The following PTBP3 variants were observed in gnomAD, a reference collection of about 807,000 sequenced individuals.
The protein encoded by PTBP3 is polypyrimidine tract binding protein 3.
A neutral mutation model predicts 58.7 loss-of-function variants in PTBP3; 20 were observed. The observed-to-expected ratio is 0.34, with a 90% confidence interval of 0.24 to 0.50. The LOEUF (loss-of-function observed/expected upper bound fraction) is 0.50, where lower values mean the gene tolerates loss of function less well. Among genes scored for constraint, PTBP3 ranks in the 20% least tolerant of loss-of-function variants. PTBP3 has a pLI of 0.98. For missense variants in PTBP3, 509 were observed against 637.2 expected, an observed-to-expected ratio of 0.80 and a Z score of 2.17; for synonymous variants, 185 against 219.8, an observed-to-expected ratio of 0.84 and a Z score of 1.40.
At chr9:112,345,340 C>CT in the PTBP3 span, among the ~76,000 whole-genome samples, 2 of 47,372 alleles carry the variant, frequency 4.2e-5, no homozygotes, top group Non-Finnish European at 7.0e-5. Context: ...ACCCTCATCT[C>CT]TAAAAAAAAA....
At position 112,232,236 on chromosome 9, in the gene PTBP3, G is replaced by T; in HGVS notation, c.883C>A (p.Leu295Ile). Residue 295 changes from leucine (L) to isoleucine (I), a missense_variant and splice_region_variant, in exon 9 of 14, where the codon CTA (leucine) becomes ATA (isoleucine). Physicochemically the swap from Leu to Ile is conservative, Grantham distance 5. This residue lies in a region of PTBP3 where 121 missense variants were observed against 114.8 expected (regional missense o/e 1.05). Coordinates refer to ENST00000374257, the MANE Select transcript of PTBP3 (RefSeq NM_001163788.4). ...PAIGFPQATGLSVPAVPGALG... is the reference protein window; with the variant it reads ...PAIGFPQATGISVPAVPGALG... ...GCTCCAGGAACAGCTGGAACTGATAGACCTTTTAAAAATACCAAAAGCATT... is the reference window on the plus strand; with the variant it reads ...GCTCCAGGAACAGCTGGAACTGATATACCTTTTAAAAATACCAAAAGCATT... 6.3e-7 allele frequency: 1 copy of T among 1,593,018 alleles called. No homozygotes were observed. Among genetic ancestry groups the T allele is most frequent in the Non-Finnish European group, 8.5e-7 (1 of 1,169,728 alleles).
the PTBP3 span, chr9:112,363,082 G>A: frequency 2.9e-5 from 5 of 174,296 alleles, no homozygotes; most frequent in Non-Finnish European, 3.7e-5. Flanking sequence ...GTCACCAGTC[G>A]CAATGCCAGG....
chr9:112,336,664 A>G (rs1366001839), upstream of PTBP3, among the ~76,000 whole-genome samples: 1 of 151,982 alleles, frequency 6.6e-6, no homozygotes, highest in East Asian at 1.9e-4. Flanking sequence ...TGTCTCTCTT[A>G]CCCTTTGCTT....
intron 1 of PTBP3, among the ~76,000 whole-genome samples, chr9:112,298,954 T>G: frequency 6.6e-6 from 1 of 152,122 alleles, no homozygotes; most frequent in East Asian, 1.9e-4. Flanking sequence ...AAAAGAAAAC[T>G]GAAAATCTCA....
At position 112,231,411 on chromosome 9, in the gene PTBP3, A is replaced by G; in HGVS notation, c.1023T>C (p.Leu341=). 6.3e-7 allele frequency: 1 copy of G among 1,590,798 alleles called. No individual in the cohort carries two copies. ...VLLVTNLNPD[L]ITPHGLFILF... ...GGATAAAAAGCCCATGTGGTGTGAT[A>G]AGCTGTAAAGGGTAACACAAAGTTA... Residue 341 remains leucine (L), a splice_region_variant and synonymous_variant, in exon 10 of 14, where the codon CTT becomes CTC. Transcript: ENST00000374257.
In PTBP3 at chr9:112,281,505, A is replaced by C. The variant is rs549484775; in HGVS notation, c.35-5492T>G. Among the ~76,000 whole-genome samples, 4 of 152,314 alleles carry C rather than the reference A, an allele frequency of 2.6e-5. No homozygotes were observed. The South Asian group carries it at 8.3e-4, about 32-fold the overall frequency. ...ATATCTTGCTAAACATTTTTATGTC[A>C]ATATTCATGAAGGATATTAATCTGT... On this transcript the variant is annotated intron_variant, in intron 2 of 13. Coordinates refer to ENST00000374257, the MANE Select transcript of PTBP3 (RefSeq NM_001163788.4).
In PTBP3 at chr9:112,222,105, A is replaced by G. The variant is rs2131931456; in HGVS notation, c.*1746T>C. 1 of 985,330 alleles carries G rather than the reference A, an allele frequency of 1.0e-6. No individual in the cohort carries two copies. 61.0% of individuals were successfully genotyped at this position (985,330 alleles called of 1,614,324 possible). A position where few individuals can be genotyped will look rare whatever the true frequency, so the allele number is the denominator to read the frequency against. On this transcript the variant is annotated 3_prime_UTR_variant, in exon 14 of 14. Coordinates refer to ENST00000374257, the MANE Select transcript of PTBP3 (RefSeq NM_001163788.4). ...GGCGCACACCACCATGCCCAGCAAG[A>G]TATTCTTTATTCTTTTAAAAGTTGA...
At chr9:112,252,447 C>T (rs531444317) in intron 6 of PTBP3, 12 of 489,896 alleles carry the variant, frequency 2.4e-5, no homozygotes, top group South Asian at 2.2e-4. Context: ...ACAGGACCTG[C>T]GTCTCAGAGA....
the PTBP3 span, among the ~76,000 whole-genome samples, chr9:112,366,630 C>T: frequency 2.6e-5 from 4 of 152,264 alleles, no homozygotes; most frequent in East Asian, 1.9e-4. Context: ...TCCAAAGATG[C>T]GTAGAAATGC....
At chr9:112,302,512 G>A (rs963691828) in intron 1 of PTBP3, among the ~76,000 whole-genome samples, 5 of 150,744 alleles carry the variant, frequency 3.3e-5, no homozygotes, top group Admixed American at 1.3e-4. Flanking sequence ...GCACCTAGAC[G>A]AGGTGTTAAA....
chr9:112,270,014 G>A (rs1827304868), intron 3 of PTBP3, among the ~76,000 whole-genome samples: 2 of 149,674 alleles, frequency 1.3e-5, no homozygotes, highest in Non-Finnish European at 1.5e-5. Flanking sequence ...GCGTCATCTC[G>A]GCTCACTATA....
the PTBP3 span, among the ~76,000 whole-genome samples, chr9:112,356,838 CATTTCA>C: frequency 8.9e-5 from 13 of 145,692 alleles, no homozygotes; most frequent in Non-Finnish European, 3.0e-5. Flanking sequence ...TGGCCCCAAC[CATTTCA>C]TTTCAGAGCA....
Position 112,333,136 on chromosome 9 carries a change from T to C in PTBP3, c.-52+334A>G, listed in dbSNP as rs1309194154. Reference sequence around the variant, plus strand: ...GAGAGGAAGTGTCGGGAGGCCGAGCTGGGCTCCCCGGACTCGGGGCGCGGA... The same window carrying C: ...GAGAGGAAGTGTCGGGAGGCCGAGCCGGGCTCCCCGGACTCGGGGCGCGGA... On this transcript the variant is annotated intron_variant, in intron 1 of 13. Coordinates refer to ENST00000374257, the MANE Select transcript of PTBP3 (RefSeq NM_001163788.4). 3.2e-6 allele frequency: 4 copies of C among 1,244,062 alleles called. No homozygotes were observed. The African/African-American group carries it at 4.7e-5, about 15-fold the overall frequency. The allele number at this position is 1,244,062 out of a possible 1,614,324, so 77.1% of individuals were successfully genotyped here. A position where few individuals can be genotyped will look rare whatever the true frequency, so the allele number is the denominator to read the frequency against.
chr9:112,376,542 G>A, the PTBP3 span, among the ~76,000 whole-genome samples: 1,778 of 151,984 alleles, frequency 0.012, 35 homozygotes, highest in African/African-American at 0.041. Context: ...ATAAGCCACC[G>A]CGCCCAGCCT....
chr9:112,320,312 A>AT (rs1211297585), intron 1 of PTBP3, among the ~76,000 whole-genome samples: 21 of 47,624 alleles, frequency 4.4e-4, no homozygotes, highest in Middle Eastern at 9.1e-3. Context: ...ATATATATAT[A>AT]TATTTTTTTT....
chr9:112,305,406 AGCCTCATGAAC>A (rs1829140413), intron 1 of PTBP3, among the ~76,000 whole-genome samples: 2 of 152,122 alleles, frequency 1.3e-5, no homozygotes, highest in South Asian at 4.1e-4. Flanking sequence ...GACTGAAATC[AGCCTCATGAAC>A]AATAAATTAT....
chr9:112,290,801 C>A lies in PTBP3; in HGVS notation c.34+7031G>T, dbSNP rs535257103. Among the ~76,000 whole-genome samples the A allele has an allele frequency of 1.7e-4, 26 of 150,846 alleles. No individual in the cohort carries two copies. In the South Asian group the frequency reaches 4.0e-3, roughly 23 times the overall value. ...CATATTTCTGGTAAGAGTATAAAAT[C>A]ACTTTTGAAAATTAGTAGACTCTAC... On this transcript the variant is annotated intron_variant, in intron 2 of 13. Transcript: ENST00000374257.
At chr9:112,275,784 T>G in intron 3 of PTBP3, 60 bp downstream of exon 3, 1 of 1,361,616 alleles carries the variant, frequency 7.3e-7, no homozygotes, top group Non-Finnish European at 1.0e-6. Context: ...AAATAAAAAT[T>G]ATCAGTAATA....
intron 5 of PTBP3, among the ~76,000 whole-genome samples, chr9:112,257,882 G>A (rs1473448227): frequency 6.6e-6 from 1 of 150,850 alleles, no homozygotes; most frequent in Non-Finnish European, 1.5e-5. Flanking sequence ...GGAGGTTGCA[G>A]TGAGCCATGA....
Sources: gnomAD v4.1 joint callset for allele counts (sites outside exome capture counted in the v4.1 genomes callset) on GRCh38, gnomAD v4.1.1 for gene constraint, gnomAD v4.1.1 regional missense constraint, MANE v1.5 for transcripts, NCBI Gene and HGNC (gene_info 2026-07-23, HGNC 2026-07-21) for gene names.